PUM3: variants seen among roughly 807,000 people sequenced by gnomAD.
PUM3 encodes pumilio homolog 3.
A neutral mutation model predicts 84.0 loss-of-function variants in PUM3; 91 were observed. The ratio of observed to expected loss-of-function variants is 1.08; its 90% confidence interval spans 0.91 to 1.29. PUM3 has a LOEUF of 1.29. PUM3 is among the 50% of genes most tolerant of loss of function. The pLI, the probability that PUM3 is intolerant of heterozygous loss-of-function variation, is 0.00. For synonymous variants in PUM3, 321 were observed against 266.7 expected (o/e 1.20, Z -1.98); for missense variants, 1,067 against 767.5 (o/e 1.39, Z -4.61).
chr9:2,827,100 A>G lies in PUM3; in HGVS notation c.1008T>C (p.Phe336=). 6.2e-7 allele frequency: 1 copy of G among 1,610,132 alleles called. No individual in the cohort carries two copies. The highest frequency in any genetic ancestry group is 8.5e-7 in the Non-Finnish European group (1 of 1,178,712). ...SLVHKVFLDF[F]TYAPPKLRSE... The stretch of plus-strand genomic sequence containing the variant: ...ATCTGAGTTTGGGGGGTGCATAGGT[A>G]AAAAAGTCCAAGAATACTTTATGCA... Residue 336 remains phenylalanine (F), a synonymous_variant, in exon 10 of 18, where the codon TTT becomes TTC. Coordinates refer to ENST00000397885, the MANE Select transcript of PUM3 (RefSeq NM_014878.5).
intron 14 of PUM3, 41 bp from the exon 15 acceptor site, chr9:2,811,624 C>G: frequency 3.4e-6 from 5 of 1,483,256 alleles, no homozygotes; most frequent in Non-Finnish European, 4.7e-6. Context: ...TAAGATAAAT[C>G]GCAAAGGAAA....
chr9:2,843,143 C>A (rs929395259), intron 1 of PUM3, among the ~76,000 whole-genome samples: 1 of 152,080 alleles, frequency 6.6e-6, no homozygotes, highest in Non-Finnish European at 1.5e-5. Flanking sequence ...GTAATAGGAA[C>A]GGAAATGTTT....
At chr9:2,815,845 T>C (rs1392431226) in intron 13 of PUM3, among the ~76,000 whole-genome samples, 1 of 152,214 alleles carries the variant, frequency 6.6e-6, no homozygotes, top group African/African-American at 2.4e-5. Context: ...CAAAGGCCCA[T>C]TTATTGTAAT....
chr9:2,836,176 C>A (rs1001434069), intron 3 of PUM3, among the ~76,000 whole-genome samples: 3 of 152,116 alleles, frequency 2.0e-5, no homozygotes, highest in Admixed American at 6.5e-5. Context: ...GGCTGCTGTC[C>A]CTCTGGTAAG....
rs370265483 is a variant in PUM3 at position 2,811,433 on chromosome 9, G to T, written c.1563C>A (p.Asp521Glu). The change falls in exon 15 of 18, where the codon GAC becomes GAA. Residue 521 changes from aspartate (D) to glutamate (E), a missense_variant. By Grantham distance (45) the Asp-to-Glu change is conservative. Transcript: ENST00000397885. ...CGATGGCATTCATGGTAGGCTGAAC[G>T]TCTCCAGTGGCAGATCCCAGAATGT... ...VSDILGSATG[D>E]VQPTMNAIAS... The T allele has an allele frequency of 6.2e-7, 1 of 1,614,138 alleles. No homozygotes were observed. The highest frequency in any genetic ancestry group is 1.7e-5 in the Admixed American group (1 of 60,024).
chr9:2,836,784 CCTTA>C (rs1816132835), intron 3 of PUM3, among the ~76,000 whole-genome samples: 1 of 151,932 alleles, frequency 6.6e-6, no homozygotes. Flanking sequence ...GGGCCTGTAT[CCTTA>C]CTGATTATTT....
At chr9:2,824,965 A>T in intron 10 of PUM3, 150 bp from the exon 11 acceptor site, 1 of 451,300 alleles carries the variant, frequency 2.2e-6, no homozygotes, top group Non-Finnish European at 3.9e-6. Context: ...AGACAATCAA[A>T]CAGAAACACG....
chr9:2,836,717 G>A (rs1019338678), intron 3 of PUM3, among the ~76,000 whole-genome samples: 1 of 152,062 alleles, frequency 6.6e-6, no homozygotes, highest in Non-Finnish European at 1.5e-5. Context: ...CTTAACCAAG[G>A]CTGACACTTA....
intron 1 of PUM3, among the ~76,000 whole-genome samples, chr9:2,840,035 T>C (rs1440093059): frequency 1.3e-5 from 2 of 152,214 alleles, no homozygotes; most frequent in Non-Finnish European, 2.9e-5. Context: ...GTCTCCTTTG[T>C]ATTTTGTAGA....
intron 16 of PUM3, among the ~76,000 whole-genome samples, chr9:2,808,978 C>A (rs903569335): frequency 6.6e-6 from 1 of 152,244 alleles, no homozygotes; most frequent in South Asian, 2.1e-4. Context: ...CGTGAAGGAG[C>A]CCAAGCAGCC....
intron 5 of PUM3, among the ~76,000 whole-genome samples, chr9:2,832,413 A>C (rs1816007643): frequency 6.6e-6 from 1 of 152,152 alleles, no homozygotes; most frequent in South Asian, 2.1e-4. Flanking sequence ...AATATACAAC[A>C]CGGATGATGA....
rs150260175 is a variant in PUM3, at chr9:2,832,981, G to A, written c.516+376C>T. 4.4e-3 allele frequency among the ~76,000 whole-genome samples: 670 copies of A among 152,276 alleles called. 5 individuals carry two copies. Among genetic ancestry groups the A allele is most frequent in the African/African-American group, 0.015 (605 of 41,548 alleles). The stretch of plus-strand genomic sequence containing the variant: ...CAAAAGCATGGAGGAAAAGAATGAA[G>A]TAATATGTTCACATCACAAATATAA... On this transcript the variant is annotated intron_variant, in intron 5 of 17. Coordinates refer to ENST00000397885, the MANE Select transcript of PUM3 (RefSeq NM_014878.5).
At chr9:2,815,351 T>C (rs530207252) in intron 13 of PUM3, among the ~76,000 whole-genome samples, 1 of 152,282 alleles carries the variant, frequency 6.6e-6, no homozygotes, top group South Asian at 2.1e-4. Context: ...TACTACTCCA[T>C]TTCTCTTTAA....
chr9:2,821,720 A>C (rs955984908), intron 12 of PUM3, among the ~76,000 whole-genome samples: 1 of 152,166 alleles, frequency 6.6e-6, no homozygotes, highest in Non-Finnish European at 1.5e-5. Context: ...CAAATTTAAA[A>C]TGCAGGTATG....
At chr9:2,831,054 G>C in intron 6 of PUM3, 26 bp from the exon 7 acceptor site, 1 of 1,208,514 alleles carries the variant, frequency 8.3e-7, no homozygotes, top group Non-Finnish European at 1.2e-6. Context: ...ACATTACAGT[G>C]ACTTCAGATC....
At chr9:2,817,872 C>T (rs181421684) in intron 13 of PUM3, among the ~76,000 whole-genome samples, 5 of 148,106 alleles carry the variant, frequency 3.4e-5, no homozygotes, top group Admixed American at 2.7e-4. Context: ...CACCCTCAAA[C>T]AGCAATTGGC....
At chr9:2,811,605 G>A (rs777359291) in intron 14 of PUM3, 22 bp from the exon 15 acceptor site, 18 of 1,573,324 alleles carry the variant, frequency 1.1e-5, no homozygotes, top group East Asian at 2.2e-5. Context: ...GTTGAACGGG[G>A]TATTAAGGTA....
At position 2,810,344 on chromosome 9, in the gene PUM3, C is replaced by CCCA. The variant is rs1381623452; in HGVS notation, c.1722_1723insTGG (p.Glu574_Gly575insTrp). On this transcript the variant is annotated inframe_insertion and splice_region_variant, in exon 16 of 18. Coordinates refer to ENST00000397885, the MANE Select transcript of PUM3 (RefSeq NM_014878.5). ...GAAAAGGTCAAATTTCATAGCCTAC[C>CCCA]TTCTCTCCCATTTTCTTTCATCTTT... The CCCA allele has an allele frequency of 6.3e-6, 10 of 1,587,524 alleles. No individual in the cohort carries two copies. The highest frequency in any genetic ancestry group is 8.6e-6 in the Non-Finnish European group (10 of 1,156,888).
At chr9:2,842,722 C>G (rs1176640657) in intron 1 of PUM3, among the ~76,000 whole-genome samples, 1 of 152,160 alleles carries the variant, frequency 6.6e-6, no homozygotes, top group East Asian at 1.9e-4. Flanking sequence ...GGGGTCCAAA[C>G]TTGTGTATAA....
Sources: allele counts gnomAD v4.1 joint callset (sites outside exome capture counted in the v4.1 genomes callset), GRCh38; gene constraint gnomAD v4.1.1; transcripts MANE v1.5; gene names NCBI Gene and HGNC (gene_info 2026-07-23, HGNC 2026-07-21).